Variants in CLSTN2 observed in about 807,000 individuals in gnomAD.
The protein encoded by CLSTN2 is calsyntenin 2.
Under a neutral mutation model 101.2 loss-of-function variants are expected in CLSTN2, and 48 were observed. The ratio of observed to expected loss-of-function variants is 0.47; its 90% CI spans 0.38 to 0.60. The LOEUF is 0.60. CLSTN2 is among the 20% of genes least tolerant of loss of function. CLSTN2 has a pLI of 0.00. For synonymous variants in CLSTN2, 481 were observed against 463.6 expected, an observed-to-expected ratio of 1.04 and a Z score of -0.48; for missense variants, 1,160 against 1,238.2, an observed-to-expected ratio of 0.94 and a Z score of 0.95.
At chr3:140,281,026 T>C (rs1383596780) in intron 2 of CLSTN2, among the ~76,000 whole-genome samples, 1 of 152,200 alleles carries the variant, frequency 6.6e-6, no homozygotes, top group East Asian at 1.9e-4. Context: ...GCAATATCTG[T>C]CCTGGATGTC....
rs759011249 is a variant in CLSTN2, at chr3:140,403,787, G to A, written c.391G>A (p.Ala131Thr). The A allele has an allele frequency of 3.7e-6, 6 of 1,613,612 alleles. No homozygotes were observed. In the African/African-American group the frequency reaches 8.0e-5, roughly 22 times the overall value. The change falls in exon 3 of 17, where the codon GCT becomes ACT. Residue 131 changes from alanine (A) to threonine (T), a missense_variant. Coordinates refer to ENST00000458420, the MANE Select transcript of CLSTN2 (RefSeq NM_022131.3). ...TFIIQAYDCG[A>T]GPHETAWKKS... ...CATCATCCAGGCCTATGACTGTGGTGCTGGGCCCCACGAGACAGCCTGGAA... is the reference window on the plus strand; with the variant it reads ...CATCATCCAGGCCTATGACTGTGGTACTGGGCCCCACGAGACAGCCTGGAA...
chr3:140,167,129 G>T (rs2010147145), intron 1 of CLSTN2, among the ~76,000 whole-genome samples: 1 of 152,164 alleles, frequency 6.6e-6, no homozygotes, highest in Non-Finnish European at 1.5e-5. Flanking sequence ...CCAAGGTTTG[G>T]AAGTAGCTCC....
At chr3:140,096,831 G>T (rs997667274) in intron 1 of CLSTN2, among the ~76,000 whole-genome samples, 1 of 152,178 alleles carries the variant, frequency 6.6e-6, no homozygotes, top group African/African-American at 2.4e-5. Flanking sequence ...ATAAAAAGAA[G>T]GAGTTCATAT....
intron 1 of CLSTN2, among the ~76,000 whole-genome samples, chr3:140,046,700 G>T (rs556233333): frequency 6.6e-6 from 1 of 152,256 alleles, no homozygotes; most frequent in South Asian, 2.1e-4. Context: ...CTCTTGTAGG[G>T]CAGGCCTGGT....
intron 1 of CLSTN2, among the ~76,000 whole-genome samples, chr3:139,948,053 A>T (rs902690009): frequency 5.3e-5 from 8 of 152,160 alleles, no homozygotes; most frequent in Non-Finnish European, 8.8e-5. Flanking sequence ...AGAGGAGAAC[A>T]AACAGAATCA....
chr3:140,306,585 C>T (rs1453853423), intron 2 of CLSTN2, among the ~76,000 whole-genome samples: 3 of 152,168 alleles, frequency 2.0e-5, no homozygotes, highest in Non-Finnish European at 4.4e-5. Context: ...AAGAACAATG[C>T]CTGCCATCAA....
chr3:140,028,547 A>C (rs1470142503), intron 1 of CLSTN2, among the ~76,000 whole-genome samples: 2 of 152,196 alleles, frequency 1.3e-5, no homozygotes, highest in Admixed American at 6.5e-5. Flanking sequence ...TTACATTTCA[A>C]ATACAACGAT....
chr3:140,004,852 T>G (rs2107748956), intron 1 of CLSTN2, among the ~76,000 whole-genome samples: 1 of 152,320 alleles, frequency 6.6e-6, no homozygotes, highest in Non-Finnish European at 1.5e-5. Flanking sequence ...AAGCAAGGTA[T>G]AAAAATTGCA....
chr3:140,316,936 A>G (rs1213405552), intron 2 of CLSTN2, among the ~76,000 whole-genome samples: 1 of 152,212 alleles, frequency 6.6e-6, no homozygotes, highest in African/African-American at 2.4e-5. Context: ...AAAGCCTGCC[A>G]TGAAATAATG....
chr3:140,359,903 A>T (rs2087708997), intron 2 of CLSTN2, among the ~76,000 whole-genome samples: 1 of 152,112 alleles, frequency 6.6e-6, no homozygotes, highest in African/African-American at 2.4e-5. Flanking sequence ...GCAGATACAG[A>T]TATAAATATA....
intron 2 of CLSTN2, among the ~76,000 whole-genome samples, chr3:140,216,054 C>T (rs571464795): frequency 2.0e-5 from 3 of 152,212 alleles, no homozygotes; most frequent in East Asian, 3.9e-4. Flanking sequence ...TGAGCATTAT[C>T]GCCTGAGCGC....
At chr3:139,963,018 T>C (rs544100413) in intron 1 of CLSTN2, among the ~76,000 whole-genome samples, 4 of 152,220 alleles carry the variant, frequency 2.6e-5, no homozygotes, top group African/African-American at 9.6e-5. Context: ...ATTATTATTA[T>C]TATTATTACA....
At chr3:140,142,167 G>A (rs548884698) in intron 1 of CLSTN2, among the ~76,000 whole-genome samples, 2 of 152,236 alleles carry the variant, frequency 1.3e-5, no homozygotes, top group African/African-American at 4.8e-5. Context: ...AAACTTTGGC[G>A]TTCAGATGTG....
rs76854342 is a variant in CLSTN2, at chr3:140,238,202, G to A, written c.232+62129G>A. Among the ~76,000 whole-genome samples, 255 of 152,286 alleles carry A rather than the reference G, an allele frequency of 1.7e-3. 1 individual carries two copies. Among genetic ancestry groups the A allele is most frequent in the Middle Eastern group, 3.4e-3 (1 of 294 alleles). On this transcript the variant is annotated intron_variant, in intron 2 of 16. Transcript: ENST00000458420. Reference sequence around the variant, plus strand: ...TCTGACCCTTTGGGGCCACAGGATAGATTTCCAGAGCCTCCACTTGTGACA... The same window carrying A: ...TCTGACCCTTTGGGGCCACAGGATAAATTTCCAGAGCCTCCACTTGTGACA...
intron 2 of CLSTN2, among the ~76,000 whole-genome samples, chr3:140,211,233 A>G (rs2010851197): frequency 6.6e-6 from 1 of 151,760 alleles, no homozygotes; most frequent in Non-Finnish European, 1.5e-5. Flanking sequence ...TCCTCCTTAT[A>G]AAATAAGATC....
At chr3:140,084,150 C>A (rs768423288) in intron 1 of CLSTN2, among the ~76,000 whole-genome samples, 1 of 152,126 alleles carries the variant, frequency 6.6e-6, no homozygotes, top group African/African-American at 2.4e-5. Context: ...TGGTGTTCTC[C>A]TTGCCTTTCT....
chr3:140,029,411 A>G (rs2007500012), intron 1 of CLSTN2, among the ~76,000 whole-genome samples: 1 of 152,206 alleles, frequency 6.6e-6, no homozygotes, highest in South Asian at 2.1e-4. Context: ...TTAATTTTTA[A>G]ATTTAGGTCT....
At position 140,214,550 on chromosome 3, in the gene CLSTN2, G is replaced by C. The variant is rs1030339137; in HGVS notation, c.232+38477G>C. On this transcript the variant is annotated intron_variant, in intron 2 of 16. Transcript: ENST00000458420. ...CAGCTTCAAAATGTCCCAGGGACTA[G>C]AGCCAGAGTGTGCATCATCTCCAAG... Among the ~76,000 whole-genome samples, 10 of 152,274 alleles carry C rather than the reference G, an allele frequency of 6.6e-5. 1 individual carries two copies. Among genetic ancestry groups the C allele is most frequent in the East Asian group, 1.9e-4 (1 of 5,176 alleles).
rs541891078 is a variant in CLSTN2, at chr3:140,158,243, A to G, written c.110-17708A>G. On this transcript the variant is annotated intron_variant, in intron 1 of 16. Transcript: ENST00000458420. Reference sequence around the variant, plus strand: ...AGAGAAAGAAATAAAAGGCACCCTAATAGGAAAAGAAGTCAAAGTATCTCT... The same window carrying G: ...AGAGAAAGAAATAAAAGGCACCCTAGTAGGAAAAGAAGTCAAAGTATCTCT... Among the ~76,000 whole-genome samples the G allele has an allele frequency of 2.0e-5, 3 of 152,328 alleles. No individual in the cohort carries two copies. The East Asian group carries it at 5.8e-4, about 29-fold the overall frequency.
Sources: allele counts gnomAD v4.1 joint callset (sites outside exome capture counted in the v4.1 genomes callset), GRCh38; gene constraint gnomAD v4.1.1; transcripts MANE v1.5; gene names NCBI Gene and HGNC (gene_info 2026-07-23, HGNC 2026-07-21).